CDYL: variants seen among roughly 807,000 people sequenced by gnomAD.
CDYL encodes the protein chromodomain Y-like protein.
CDYL carries 8 observed loss-of-function variants against 47.3 expected under a neutral mutation model. The observed-to-expected ratio is 0.17, with a 90% CI of 0.10 to 0.31. CDYL has a LOEUF of 0.31. Among genes scored for constraint, CDYL ranks in the 10% least tolerant of loss-of-function variants. CDYL has a pLI of 1.00. For missense variants in CDYL, 471 were observed against 701.4 expected, an observed-to-expected ratio of 0.67 and a Z score of 3.71; for synonymous variants, 266 against 265.0, an observed-to-expected ratio of 1.00 and a Z score of -0.04.
chr6:4,903,330 C>G (rs1338315146), intron 2 of CDYL, among the ~76,000 whole-genome samples: 2 of 152,196 alleles, frequency 1.3e-5, no homozygotes, highest in Non-Finnish European at 2.9e-5. Flanking sequence ...AAGGGAACTT[C>G]TTGAGAGTAA....
intron 1 of CDYL, among the ~76,000 whole-genome samples, chr6:4,805,621 AG>A (rs993059964): frequency 3.9e-5 from 6 of 152,186 alleles, no homozygotes; most frequent in African/African-American, 1.4e-4. Context: ...CCTGAGAGCC[AG>A]GGGAGCCAGT....
chr6:4,841,542 T>G (rs887114720), intron 1 of CDYL, among the ~76,000 whole-genome samples: 6 of 152,168 alleles, frequency 3.9e-5, no homozygotes, highest in African/African-American at 1.4e-4. Flanking sequence ...ATATGAACTT[T>G]CCACTTAGCA....
intron 1 of CDYL, among the ~76,000 whole-genome samples, chr6:4,793,833 G>T (rs1758996761): frequency 6.6e-6 from 1 of 152,120 alleles, no homozygotes; most frequent in Non-Finnish European, 1.5e-5. Context: ...GAATAGAAGG[G>T]ACCTGGAGTT....
chr6:4,891,976 T>TAAGGCACTCGTGATTGGG lies in CDYL; in HGVS notation c.291_308dup (p.Ala98_Lys103dup). 1.2e-6 allele frequency: 2 copies of TAAGGCACTCGTGATTGGG among 1,614,138 alleles called. No individual in the cohort carries two copies. Among genetic ancestry groups the TAAGGCACTCGTGATTGGG allele is most frequent in the Non-Finnish European group, 1.7e-6 (2 of 1,180,020 alleles). On this transcript the variant is annotated inframe_insertion, in exon 2 of 7. Transcript: ENST00000397588. ...ACAGCAACTTTTCTAAGACCTCTCC[T>TAAGGCACTCGTGATTGGG]AAGGCACTCGTGATTGGGAAAGACC...
chr6:4,818,286 A>C (rs1205036102), intron 1 of CDYL, among the ~76,000 whole-genome samples: 1 of 152,106 alleles, frequency 6.6e-6, no homozygotes, highest in Non-Finnish European at 1.5e-5. Context: ...AATAAAATAA[A>C]ATGGAAAACA....
intron 1 of CDYL, among the ~76,000 whole-genome samples, chr6:4,861,769 C>G (rs1432077001): frequency 6.6e-6 from 1 of 152,168 alleles, no homozygotes; most frequent in Admixed American, 6.5e-5. Flanking sequence ...CTGTATCTGT[C>G]TCTTTACATG....
intron 3 of CDYL, among the ~76,000 whole-genome samples, chr6:4,770,134 G>A (rs1457856332): frequency 6.6e-6 from 1 of 152,092 alleles, no homozygotes; most frequent in Admixed American, 6.5e-5. Flanking sequence ...ATGGCGCCGG[G>A]CCAACATTTT....
chr6:4,811,608 CTTTTTTTTT>C, intron 1 of CDYL, among the ~76,000 whole-genome samples: 1 of 126,730 alleles, frequency 7.9e-6, no homozygotes, highest in African/African-American at 2.9e-5. Context: ...TGACATTATT[CTTTTTTTTT>C]TTTTTTTTTT....
At chr6:4,774,622 C>T (rs1758390288), upstream of CDYL, 1 of 152,134 alleles carries the variant, frequency 6.6e-6, no homozygotes, top group Non-Finnish European at 1.5e-5. Context: ...TTCTCGTGGA[C>T]ACTGAAATTC....
intron 1 of CDYL, among the ~76,000 whole-genome samples, chr6:4,842,141 T>C (rs1446155491): frequency 3.5e-5 from 5 of 144,360 alleles, no homozygotes; most frequent in Admixed American, 1.4e-4. Context: ...TATAAAATTA[T>C]ATTACTTATA....
chr6:4,802,246 A>C (rs989405807), intron 1 of CDYL, among the ~76,000 whole-genome samples: 1 of 150,520 alleles, frequency 6.6e-6, no homozygotes, highest in Admixed American at 6.6e-5. Flanking sequence ...TGAAAAAAAA[A>C]TCACTAATTA....
intron 1 of CDYL, among the ~76,000 whole-genome samples, chr6:4,872,842 C>A (rs1183838284): frequency 1.3e-5 from 2 of 152,206 alleles, no homozygotes. Flanking sequence ...TGGTCTCTAT[C>A]CATTTCATAA....
chr6:4,720,766 C>G (rs1757352463), intron 2 of CDYL, among the ~76,000 whole-genome samples: 1 of 152,172 alleles, frequency 6.6e-6, no homozygotes, highest in Admixed American at 6.5e-5. Flanking sequence ...AGTGATCAGT[C>G]AAAAGCTCTC....
intron 3 of CDYL, among the ~76,000 whole-genome samples, chr6:4,763,055 A>T (rs1460725776): frequency 6.6e-6 from 1 of 152,196 alleles, no homozygotes; most frequent in African/African-American, 2.4e-5. Context: ...AAGATAGATT[A>T]CCTTCAAAGG....
At chr6:4,931,394 G>T (rs1403679495) in intron 2 of CDYL, among the ~76,000 whole-genome samples, 1 of 152,190 alleles carries the variant, frequency 6.6e-6, no homozygotes, top group African/African-American at 2.4e-5. Flanking sequence ...TGTCTGAGAT[G>T]CTGAAATTTG....
chr6:4,715,116 A>T (rs982927632), intron 1 of CDYL, among the ~76,000 whole-genome samples: 1 of 152,192 alleles, frequency 6.6e-6, no homozygotes. Flanking sequence ...CTGAAAATGC[A>T]TCGTGCTTTC....
chr6:4,713,272 C>A (rs1757185221), intron 1 of CDYL, among the ~76,000 whole-genome samples: 1 of 152,148 alleles, frequency 6.6e-6, no homozygotes, highest in Admixed American at 6.5e-5. Flanking sequence ...TACCCGGCAT[C>A]TCCTTCCTCC....
intron 2 of CDYL, among the ~76,000 whole-genome samples, chr6:4,894,834 CGTGTGTGTGTGTGT>C (rs71540834): frequency 6.9e-6 from 1 of 145,348 alleles, no homozygotes; most frequent in Non-Finnish European, 1.5e-5. Context: ...CCACAAAAGT[CGTGTGTGTGTGTGT>C]GTGTGTGTAT....
Position 4,841,978 on chromosome 6 carries a change from T to C in CDYL, c.25-49735T>C, listed in dbSNP as rs184182349. On this transcript the variant is annotated intron_variant, in intron 1 of 6. Transcript: ENST00000397588. ...CTTTATATTAATATTATATTAATAT[T>C]AATAATAAATTATTAATATAAATAA... is the stretch of plus-strand genomic sequence containing the variant. Among the ~76,000 whole-genome samples, 365 of 144,744 alleles carry C rather than the reference T, an allele frequency of 2.5e-3. 2 individuals carry two copies. The highest frequency in any genetic ancestry group is 8.9e-3 in the African/African-American group (358 of 40,244). The allele number at this position is 144,744 out of a possible 152,430, so 95.0% of individuals were successfully genotyped here.
Sources: allele counts gnomAD v4.1 joint callset (sites outside exome capture counted in the v4.1 genomes callset), GRCh38; gene constraint gnomAD v4.1.1; transcripts MANE v1.5; gene names NCBI Gene and HGNC (gene_info 2026-07-23, HGNC 2026-07-21).